The following METTL24 variants were observed in gnomAD, a reference collection of about 807,000 sequenced individuals.
METTL24 encodes the protein methyltransferase like 24, also known as probable methyltransferase-like protein 24.
METTL24 carries 29 observed loss-of-function variants against 32.7 expected under a neutral mutation model. The ratio of observed to expected loss-of-function variants is 0.89; its 90% confidence interval spans 0.66 to 1.21. The LOEUF (loss-of-function observed/expected upper bound fraction) is 1.21. Ranked by LOEUF, METTL24 falls within the 50% of genes most tolerant of loss-of-function variation. The pLI is 0.00. For missense variants in METTL24, 439 were observed against 468.1 expected (o/e 0.94, Z 0.57); for synonymous variants, 163 against 179.5 (o/e 0.91, Z 0.73).
intron 4 of METTL24, among the ~76,000 whole-genome samples, chr6:110,252,779 A>G (rs1308734885): frequency 6.6e-6 from 1 of 152,138 alleles, no homozygotes; most frequent in Non-Finnish European, 1.5e-5. Flanking sequence ...CTCCCATCTA[A>G]CATGATTTTC....
At chr6:110,295,724 G>A (rs1196700014) in intron 4 of METTL24, among the ~76,000 whole-genome samples, 1 of 150,418 alleles carries the variant, frequency 6.6e-6, no homozygotes, top group Non-Finnish European at 1.5e-5. Flanking sequence ...ACTCTTGAGT[G>A]GAACTAGGTG....
chr6:110,294,289 T>C (rs1771372316), intron 4 of METTL24, among the ~76,000 whole-genome samples: 1 of 152,042 alleles, frequency 6.6e-6, no homozygotes, highest in African/African-American at 2.4e-5. Flanking sequence ...AAAATAAAAA[T>C]ATGTAAAACT....
In METTL24 at chr6:110,358,243, G is replaced by GC; in HGVS notation, c.29dup (p.Cys11LeufsTer116). 6.7e-7 allele frequency: 1 copy of GC among 1,485,640 alleles called. No homozygotes were observed. The highest frequency in any genetic ancestry group is 8.9e-7 in the Non-Finnish European group (1 of 1,125,008). 92.0% of individuals were successfully genotyped at this position (1,485,640 alleles called of 1,614,324 possible). A position where few individuals can be genotyped will look rare whatever the true frequency, so the allele number is the denominator to read the frequency against. On this transcript the variant is annotated frameshift_variant, in exon 1 of 5. Transcript: ENST00000338882. LOFTEE classifies it high-confidence loss of function. Reference sequence around the variant, plus strand: ...GTAGACACCGGCGCAGGACGCCGCAGCCCCTCCCGGGCGGCCTCTCCCGGG... The same window carrying GC: ...GTAGACACCGGCGCAGGACGCCGCAGCCCCCTCCCGGGCGGCCTCTCCCGGG...
intron 2 of METTL24, among the ~76,000 whole-genome samples, chr6:110,320,493 C>T (rs904666641): frequency 3.9e-5 from 6 of 152,130 alleles, no homozygotes; most frequent in Admixed American, 2.6e-4. Flanking sequence ...TCTAGTAACC[C>T]GGAAGTACAT....
chr6:110,302,689 A>G (rs540308665), intron 3 of METTL24, among the ~76,000 whole-genome samples: 11 of 151,530 alleles, frequency 7.3e-5, no homozygotes, highest in Non-Finnish European at 1.5e-4. Flanking sequence ...GTGTGTATAT[A>G]TATACACATA....
intron 4 of METTL24, among the ~76,000 whole-genome samples, chr6:110,248,189 G>C (rs1584099637): frequency 6.6e-6 from 1 of 152,280 alleles, no homozygotes; most frequent in Admixed American, 6.5e-5. Flanking sequence ...CATGCTTCCT[G>C]TACAGCCTGC....
At chr6:110,280,938 C>T (rs907527343) in intron 4 of METTL24, among the ~76,000 whole-genome samples, 1 of 152,152 alleles carries the variant, frequency 6.6e-6, no homozygotes, top group Non-Finnish European at 1.5e-5. Context: ...CAGGAATGAG[C>T]CACCATGCCT....
Position 110,348,571 on chromosome 6 carries a change from T to C in METTL24, c.318+9384A>G, listed in dbSNP as rs182742622. Among the ~76,000 whole-genome samples the C allele has an allele frequency of 1.6e-3, 239 of 152,274 alleles. 1 individual carries two copies. Among genetic ancestry groups the C allele is most frequent in the Middle Eastern group, 3.4e-3 (1 of 294 alleles). On this transcript the variant is annotated intron_variant, in intron 1 of 4. Transcript: ENST00000338882. ...TGCTCTAGTCAAAGTACATGAAAAATAAACTAAAATGACTTGCTGTCGCAT... is the reference window on the plus strand; with the variant it reads ...TGCTCTAGTCAAAGTACATGAAAAACAAACTAAAATGACTTGCTGTCGCAT...
At chr6:110,278,665 C>T (rs1220708332) in intron 4 of METTL24, among the ~76,000 whole-genome samples, 1 of 152,058 alleles carries the variant, frequency 6.6e-6, no homozygotes. Flanking sequence ...AATTTTTTCT[C>T]CAGATCAATT....
At chr6:110,260,868 G>C (rs949100926) in intron 4 of METTL24, among the ~76,000 whole-genome samples, 11 of 152,178 alleles carry the variant, frequency 7.2e-5, no homozygotes, top group African/African-American at 2.4e-4. Context: ...GCCAAACTAA[G>C]CTTCATAAGT....
At chr6:110,304,056 T>C (rs910444482) in intron 3 of METTL24, among the ~76,000 whole-genome samples, 5 of 151,908 alleles carry the variant, frequency 3.3e-5, no homozygotes, top group African/African-American at 9.7e-5. Context: ...CAAACTCCAG[T>C]AGACCTGCAG....
intron 4 of METTL24, among the ~76,000 whole-genome samples, chr6:110,278,774 C>A (rs1194673944): frequency 6.6e-6 from 1 of 152,156 alleles, no homozygotes; most frequent in African/African-American, 2.4e-5. Context: ...GAAACACTAA[C>A]ACTTTGGGAG....
intron 1 of METTL24, among the ~76,000 whole-genome samples, chr6:110,331,430 G>A (rs577489603): frequency 1.3e-5 from 2 of 152,112 alleles, no homozygotes; most frequent in South Asian, 2.1e-4. Context: ...AGGCTGAGGC[G>A]GGCAGATCAC....
intron 3 of METTL24, among the ~76,000 whole-genome samples, chr6:110,311,586 G>A (rs747525249): frequency 2.2e-4 from 32 of 146,718 alleles, no homozygotes; most frequent in Middle Eastern, 3.5e-3. Flanking sequence ...TGATTCTCCA[G>A]CCTCAGCCTC....
chr6:110,327,423 A>C (rs1220247480), intron 1 of METTL24, among the ~76,000 whole-genome samples: 1 of 152,196 alleles, frequency 6.6e-6, no homozygotes, highest in Non-Finnish European at 1.5e-5. Flanking sequence ...TTTCCAACTG[A>C]GTGTTGACCA....
At chr6:110,335,566 GTTTTTTTTTTTTTT>G (rs527344096) in intron 1 of METTL24, among the ~76,000 whole-genome samples, 1 of 66,112 alleles carries the variant, frequency 1.5e-5, no homozygotes, top group Non-Finnish European at 3.1e-5. Context: ...GGGAATCATT[GTTTTTTTTTTTTTT>G]TTTTTTTTTT....
chr6:110,282,692 A>C (rs1771159246), intron 4 of METTL24, among the ~76,000 whole-genome samples: 1 of 152,194 alleles, frequency 6.6e-6, no homozygotes, highest in Non-Finnish European at 1.5e-5. Flanking sequence ...GCCAATACCA[A>C]GACCAGAGTA....
intron 4 of METTL24, among the ~76,000 whole-genome samples, chr6:110,254,988 T>C (rs1562216563): frequency 6.6e-6 from 1 of 152,126 alleles, no homozygotes. Flanking sequence ...TTTGAGAGCC[T>C]TAGACTTTAA....
chr6:110,341,468 C>A (rs1222498981), intron 1 of METTL24, among the ~76,000 whole-genome samples: 1 of 152,150 alleles, frequency 6.6e-6, no homozygotes, highest in Admixed American at 6.5e-5. Flanking sequence ...AATGAATATT[C>A]ACTATTCAAA....
Sources: allele counts gnomAD v4.1 joint callset (sites outside exome capture counted in the v4.1 genomes callset), GRCh38; gene constraint gnomAD v4.1.1; transcripts MANE v1.5; gene names NCBI Gene and HGNC (gene_info 2026-07-23, HGNC 2026-07-21).